Variants in ITIH6 observed in about 807,000 individuals in gnomAD.
ITIH6 encodes the protein inter-alpha-trypsin inhibitor heavy chain H6.
ITIH6 carries 60 observed loss-of-function variants against 58.2 expected under a neutral mutation model. The observed-to-expected ratio is 1.03, with a 90% CI of 0.84 to 1.28. The LOEUF (loss-of-function observed/expected upper bound fraction) is 1.28, where lower values mean the gene tolerates loss of function less well. Ranked by LOEUF, ITIH6 falls within the 50% of genes most tolerant of loss-of-function variation. The pLI is 0.00. For missense variants in ITIH6, 1,290 were observed against 1,021.1 expected (o/e 1.26, Z -3.59); for synonymous variants, 493 against 417.4 (o/e 1.18, Z -2.21).
intron 8 of ITIH6, 125 bp from the exon 9 acceptor site, chrX:54,755,234 T>A (rs992748413): frequency 3.9e-6 from 2 of 510,117 alleles, no homozygotes; most frequent in Non-Finnish European, 6.7e-6. Context: ...GACTGGGACC[T>A]TATGCTCTCC....
chrX:54,791,120 G>C (rs187318962), intron 3 of ITIH6, 36 bp from the exon 4 acceptor site: 3 of 1,199,461 alleles, frequency 2.5e-6, no homozygotes, highest in African/African-American at 3.5e-5. Context: ...GAAGAGAAAG[G>C]GACCTTCAGA....
Position 54,750,030 on chromosome X carries a change from A to T in ITIH6, c.3807T>A (p.Asp1269Glu), listed in dbSNP as rs758280845. ...GPCLRRHHGP[D>E]VPVILGKRLL... ...GCCTCTTGCCTAGAATCACAGGCACATCTGGGCCATGGTGCCTTCGTAAGC... is the reference window on the plus strand; with the variant it reads ...GCCTCTTGCCTAGAATCACAGGCACTTCTGGGCCATGGTGCCTTCGTAAGC... Residue 1269 changes from aspartate to glutamate, a missense_variant, in exon 13 of 13, where the codon GAT becomes GAA. Physicochemically the swap from Asp to Glu is conservative, Grantham distance 45. Coordinates refer to ENST00000218436, the MANE Select transcript of ITIH6 (RefSeq NM_198510.3). The T allele has an allele frequency of 9.9e-6, 12 of 1,211,066 alleles. No individual in the cohort carries two copies. The highest frequency in any genetic ancestry group is 1.2e-5 in the Non-Finnish European group (11 of 894,887).
At chrX:54,787,863 G>C in intron 5 of ITIH6, 1 of 111,447 alleles carries the variant, frequency 9.0e-6, no homozygotes. Context: ...AGGGTGGTTT[G>C]TGTGCTGGGG....
chrX:54,774,089 T>C lies in ITIH6; in HGVS notation c.895A>G (p.Met299Val). The C allele has an allele frequency of 8.6e-7, 1 of 1,159,655 alleles. No homozygotes were observed. Among genetic ancestry groups the C allele is most frequent in the Non-Finnish European group, 1.2e-6 (1 of 856,239 alleles). The change falls in exon 6 of 13, where the codon ATG becomes GTG. Residue 299 changes from methionine to valine, a missense_variant. Coordinates refer to ENST00000218436, the MANE Select transcript of ITIH6 (RefSeq NM_198510.3). ...TCCAGGATCCTTGTTACCTGTTCCA[T>C]CTTGGTACCAAACATGGAGCTGCTT... ...DVSSSMFGTK[M>V]EQTKTAMNVI...
intron 2 of ITIH6, among the ~76,000 whole-genome samples, chrX:54,792,616 G>A (rs770325158): frequency 5.4e-5 from 6 of 111,474 alleles, no homozygotes; most frequent in Admixed American, 1.9e-4. Context: ...AAAGAAGTGT[G>A]CAAATTGTTG....
chrX:54,757,667 T>C lies in ITIH6; in HGVS notation c.2407A>G (p.Lys803Glu), dbSNP rs375980176. Residue 803 changes from lysine to glutamate, a missense_variant, in exon 8 of 13, where the codon AAA (lysine) becomes GAA (glutamate). Coordinates refer to ENST00000218436, the MANE Select transcript of ITIH6 (RefSeq NM_198510.3). ...QLGALTSQAP[K>E]GLPQSRPGVS... ...CCAGGTCTTGACTGTGGCAGGCCTT[T>C]AGGTGCCTGTGATGTGAGTGCCCCA... 8.3e-7 allele frequency: 1 copy of C among 1,210,982 alleles called. No individual in the cohort carries two copies. Among genetic ancestry groups the C allele is most frequent in the Non-Finnish European group, 1.1e-6 (1 of 895,190 alleles).
chrX:54,767,022 A>G (rs1034541669), intron 6 of ITIH6, among the ~76,000 whole-genome samples: 1 of 108,759 alleles, frequency 9.2e-6, no homozygotes, highest in African/African-American at 3.4e-5. Flanking sequence ...CTGGTCCTGG[A>G]CTCTTTTTGG....
chrX:54,788,179 T>C (rs1233729320), intron 5 of ITIH6, among the ~76,000 whole-genome samples: 1 of 111,530 alleles, frequency 9.0e-6, no homozygotes, highest in African/African-American at 3.3e-5. Context: ...AGGTGCCCAA[T>C]TAGTGGCCAA....
In ITIH6 at chrX:54,749,909, A is replaced by G; in HGVS notation, c.3928T>C (p.Ser1310Pro). 8.3e-7 allele frequency: 1 copy of G among 1,209,334 alleles called. No individual in the cohort carries two copies. Among genetic ancestry groups the G allele is most frequent in the Non-Finnish European group, 1.1e-6 (1 of 894,207 alleles). ...VELLLGHPYL[S>P]YVL The stretch of plus-strand genomic sequence containing the variant: ...TTCAGAAGCCATCACAGGACATAGG[A>G]GAGGTAGGGGTGGCCCAGAAGCAGC... The change falls in exon 13 of 13, where the codon TCC (serine) becomes CCC (proline). Residue 1310 changes from serine (S) to proline (P), a missense_variant. Coordinates refer to ENST00000218436, the MANE Select transcript of ITIH6 (RefSeq NM_198510.3).
chrX:54,749,802 C>T lies in ITIH6; in HGVS notation c.*93G>A. ...AGTCTGTGTGTCCCTGTGTGTGCTT[C>T]CATGTCCTTGGGTCTCTGTCCCTGG... On this transcript the variant is annotated 3_prime_UTR_variant, in exon 13 of 13. Coordinates refer to ENST00000218436, the MANE Select transcript of ITIH6 (RefSeq NM_198510.3). 1.5e-6 allele frequency: 1 copy of T among 683,578 alleles called. No individual in the cohort carries two copies. Among genetic ancestry groups the T allele is most frequent in the Non-Finnish European group, 2.2e-6 (1 of 454,177 alleles). 56.3% of individuals were successfully genotyped at this position (683,578 alleles called of 1,213,427 possible). A position where few individuals can be genotyped will look rare whatever the true frequency, so the allele number is the denominator to read the frequency against.
At chrX:54,798,037 T>G in intron 1 of ITIH6, 72 bp downstream of exon 1, 1 of 702,760 alleles carries the variant, frequency 1.4e-6, no homozygotes. Flanking sequence ...CTGAATAACC[T>G]TCCCAAATTT....
chrX:54,786,226 C>T (rs949614089), intron 5 of ITIH6, among the ~76,000 whole-genome samples: 5 of 111,821 alleles, frequency 4.5e-5, no homozygotes, highest in Non-Finnish European at 7.5e-5. Context: ...AATCAGCCTC[C>T]TGTTGCTTTT....
Position 54,797,039 on chromosome X carries a change from A to C in ITIH6, c.160T>G (p.Leu54Val), listed in dbSNP as rs1293591986. ...GGATTAAACAGGACAGAGGTGACCAAGGTGTGGGCATAGCGAGACACCACC... is the reference window on the plus strand; with the variant it reads ...GGATTAAACAGGACAGAGGTGACCACGGTGTGGGCATAGCGAGACACCACC... The part of the protein sequence containing the change: ...STVVSRYAHT[L>V]VTSVLFNPHA... The change falls in exon 2 of 13, where the codon TTG becomes GTG. Residue 54 changes from leucine (L) to valine (V), a missense_variant. Coordinates refer to ENST00000218436, the MANE Select transcript of ITIH6 (RefSeq NM_198510.3). 8.3e-7 allele frequency: 1 copy of C among 1,208,509 alleles called. No individual in the cohort carries two copies. Among genetic ancestry groups the C allele is most frequent in the African/African-American group, 1.8e-5 (1 of 57,120 alleles).
At chrX:54,784,750 A>G (rs1469236026) in intron 5 of ITIH6, among the ~76,000 whole-genome samples, 1 of 111,738 alleles carries the variant, frequency 8.9e-6, no homozygotes, top group Non-Finnish European at 1.9e-5. Context: ...GTGGGAATGT[A>G]AATTAGTAGA....
chrX:54,789,758 T>A (rs1335893245), intron 4 of ITIH6, among the ~76,000 whole-genome samples: 1 of 112,170 alleles, frequency 8.9e-6, no homozygotes, highest in Non-Finnish European at 1.9e-5. Context: ...ATGTAAAGCG[T>A]TTGGAGCCAT....
chrX:54,793,040 T>C, intron 2 of ITIH6, among the ~76,000 whole-genome samples: 1 of 111,347 alleles, frequency 9.0e-6, no homozygotes, highest in Non-Finnish European at 1.9e-5. Context: ...TTTAGCACCA[T>C]GGCCTTAAAT....
intron 6 of ITIH6, among the ~76,000 whole-genome samples, chrX:54,765,729 C>T (rs1018108697): frequency 5.5e-5 from 6 of 109,412 alleles, no homozygotes; most frequent in African/African-American, 2.0e-4. Flanking sequence ...TCTGAGGGCT[C>T]TGTTCTGTTC....
At chrX:54,793,436 C>T (rs1363926929) in intron 2 of ITIH6, among the ~76,000 whole-genome samples, 1 of 112,210 alleles carries the variant, frequency 8.9e-6, no homozygotes, top group African/African-American at 3.2e-5. Context: ...TGCTCCTCCT[C>T]TGGTATCTTT....
In ITIH6 at chrX:54,797,041, G is replaced by T; in HGVS notation, c.158C>A (p.Thr53Asn). ...ATTAAACAGGACAGAGGTGACCAAG[G>T]TGTGGGCATAGCGAGACACCACCGT... ...RSTVVSRYAH[T>N]LVTSVLFNPH... Residue 53 changes from threonine to asparagine, a missense_variant, in exon 2 of 13, where the codon ACC becomes AAC. Coordinates refer to ENST00000218436, the MANE Select transcript of ITIH6 (RefSeq NM_198510.3). 8.3e-7 allele frequency: 1 copy of T among 1,210,233 alleles called. No individual in the cohort carries two copies. Among genetic ancestry groups the T allele is most frequent in the Non-Finnish European group, 1.1e-6 (1 of 894,141 alleles).
Sources: gnomAD v4.1 joint callset for allele counts (sites outside exome capture counted in the v4.1 genomes callset) on GRCh38, gnomAD v4.1.1 for gene constraint, MANE v1.5 for transcripts, NCBI Gene and HGNC (gene_info 2026-07-23, HGNC 2026-07-21) for gene names.